The following MTUS2 variants were observed in gnomAD, a reference collection of about 807,000 sequenced individuals.
MTUS2 encodes microtubule-associated tumor suppressor candidate 2.
Under a neutral mutation model 114.1 loss-of-function variants are expected in MTUS2, and 40 were observed. The ratio of observed to expected loss-of-function variants is 0.35; its 90% CI spans 0.27 to 0.46. MTUS2 has a LOEUF of 0.46. MTUS2 is among the 20% of genes least tolerant of loss of function. MTUS2 has a pLI of 1.00. For synonymous variants in MTUS2, 688 were observed against 672.0 expected, an observed-to-expected ratio of 1.02 and a Z score of -0.37; for missense variants, 1,679 against 1,705.4, an observed-to-expected ratio of 0.98 and a Z score of 0.27.
At chr13:29,069,969 T>G (rs938283413) in intron 4 of MTUS2, among the ~76,000 whole-genome samples, 3 of 152,172 alleles carry the variant, frequency 2.0e-5, no homozygotes, top group Non-Finnish European at 4.4e-5. Flanking sequence ...AGGGGATGTA[T>G]CCTATTTTCT....
chr13:29,032,162 C>G (rs1460626025), intron 3 of MTUS2, among the ~76,000 whole-genome samples: 6 of 152,076 alleles, frequency 3.9e-5, no homozygotes, highest in Non-Finnish European at 8.8e-5. Flanking sequence ...ATTAAAAATG[C>G]ACAGACTAGA....
chr13:29,067,837 A>G (rs1888732016), intron 4 of MTUS2, among the ~76,000 whole-genome samples: 1 of 152,190 alleles, frequency 6.6e-6, no homozygotes, highest in African/African-American at 2.4e-5. Context: ...GGTCACATGC[A>G]GAAGGGTGGA....
intron 6 of MTUS2, among the ~76,000 whole-genome samples, chr13:29,324,327 T>C (rs1298007632): frequency 6.6e-6 from 1 of 152,072 alleles, no homozygotes; most frequent in Non-Finnish European, 1.5e-5. Context: ...TTGGTCAGGG[T>C]CATTGGGGTG....
intron 4 of MTUS2, among the ~76,000 whole-genome samples, chr13:29,091,035 C>G (rs1193332566): frequency 7.9e-5 from 12 of 152,126 alleles, no homozygotes; most frequent in Admixed American, 7.9e-4. Flanking sequence ...ACTTGGGACC[C>G]ACAGTGACTT....
At chr13:29,418,919 G>A (rs1248584203) in intron 8 of MTUS2, among the ~76,000 whole-genome samples, 1 of 152,212 alleles carries the variant, frequency 6.6e-6, no homozygotes, top group Non-Finnish European at 1.5e-5. Context: ...AGCATGTTCA[G>A]TTCACTCACT....
intron 2 of MTUS2, among the ~76,000 whole-genome samples, chr13:28,980,860 TG>T (rs1003125552): frequency 6.6e-6 from 1 of 152,208 alleles, no homozygotes; most frequent in African/African-American, 2.4e-5. Context: ...AGCATGGCCA[TG>T]TAATTTTTTT....
chr13:29,470,412 C>T (rs949296255), intron 9 of MTUS2, among the ~76,000 whole-genome samples: 24 of 152,198 alleles, frequency 1.6e-4, no homozygotes, highest in Non-Finnish European at 3.4e-4. Flanking sequence ...CTGCACCTCC[C>T]TCATCCCATC....
chr13:29,399,746 A>G (rs1470783348), intron 8 of MTUS2, among the ~76,000 whole-genome samples: 1 of 152,238 alleles, frequency 6.6e-6, no homozygotes, highest in Non-Finnish European at 1.5e-5. Flanking sequence ...AGGCATTATT[A>G]AAAACAATAG....
intron 6 of MTUS2, among the ~76,000 whole-genome samples, chr13:29,287,713 T>C (rs1326505673): frequency 6.6e-6 from 1 of 152,242 alleles, no homozygotes; most frequent in Non-Finnish European, 1.5e-5. Flanking sequence ...GGTATAAATT[T>C]TTATGAGTGT....
intron 5 of MTUS2, among the ~76,000 whole-genome samples, chr13:29,203,577 A>AC (rs1312077447): frequency 4.0e-5 from 6 of 150,736 alleles, no homozygotes; most frequent in East Asian, 2.0e-4. Flanking sequence ...AAAAAAAAAA[A>AC]AAACTCCTGC....
At chr13:28,884,877 T>C (rs1458829572) in intron 2 of MTUS2, among the ~76,000 whole-genome samples, 1 of 152,180 alleles carries the variant, frequency 6.6e-6, no homozygotes, top group Non-Finnish European at 1.5e-5. Flanking sequence ...TTTCCTGGTA[T>C]ACAGGAAACA....
At chr13:29,404,345 C>T (rs545886515) in intron 8 of MTUS2, among the ~76,000 whole-genome samples, 7 of 151,920 alleles carry the variant, frequency 4.6e-5, no homozygotes, top group Non-Finnish European at 7.4e-5. Context: ...GAGTGAGACC[C>T]TGTCTCGAAA....
chr13:29,341,249 C>G (rs4769722), intron 7 of MTUS2, among the ~76,000 whole-genome samples: 123,239 of 152,092 alleles, frequency 0.81, 50,831 homozygotes, highest in East Asian at 0.9. Context: ...GTGGTTTGTA[C>G]TAGTTTACAT....
intron 5 of MTUS2, among the ~76,000 whole-genome samples, chr13:29,127,156 G>A (rs1326396295): frequency 6.6e-6 from 1 of 152,156 alleles, no homozygotes; most frequent in Non-Finnish European, 1.5e-5. Flanking sequence ...AGCTTTAGTA[G>A]CACTTCCTCC....
intron 4 of MTUS2, among the ~76,000 whole-genome samples, chr13:29,064,654 C>T (rs528343965): frequency 6.6e-6 from 1 of 151,826 alleles, no homozygotes; most frequent in Non-Finnish European, 1.5e-5. Flanking sequence ...ATTTTAGGTT[C>T]GGGGTACATG....
chr13:29,262,089 A>G (rs1897494245), intron 5 of MTUS2, among the ~76,000 whole-genome samples: 1 of 152,264 alleles, frequency 6.6e-6, no homozygotes, highest in Non-Finnish European at 1.5e-5. Flanking sequence ...CCAGAAGTTC[A>G]GAAGTCCTGG....
intron 2 of MTUS2, among the ~76,000 whole-genome samples, chr13:29,005,579 AT>A (rs1885567871): frequency 6.6e-6 from 1 of 152,218 alleles, no homozygotes; most frequent in Non-Finnish European, 1.5e-5. Flanking sequence ...GGCAGTAAGC[AT>A]GGAAAGGCAT....
intron 6 of MTUS2, among the ~76,000 whole-genome samples, chr13:29,286,850 C>G (rs1019247788): frequency 6.6e-6 from 1 of 152,082 alleles, no homozygotes; most frequent in South Asian, 2.1e-4. Flanking sequence ...ACCACCACAC[C>G]GGGCTAATTT....
At chr13:29,484,881 G>A (rs781181382) in intron 10 of MTUS2, 4 of 152,280 alleles carry the variant, frequency 2.6e-5, no homozygotes, top group Non-Finnish European at 5.9e-5. Context: ...GTCTGAGAGG[G>A]TGGTCTTCCA....
Sources: allele counts gnomAD v4.1 joint callset (sites outside exome capture counted in the v4.1 genomes callset), GRCh38; gene constraint gnomAD v4.1.1; transcripts MANE v1.5; gene names NCBI Gene and HGNC (gene_info 2026-07-23, HGNC 2026-07-21).